CCDC85C: variants seen among roughly 807,000 people sequenced by gnomAD.
The protein encoded by CCDC85C is coiled-coil domain-containing protein 85C.
Under a neutral mutation model 38.3 loss-of-function variants are expected in CCDC85C, and 18 were observed. The observed-to-expected ratio is 0.47, with a 90% CI of 0.33 to 0.70. CCDC85C has a LOEUF of 0.70. CCDC85C is among the 30% of genes least tolerant of loss of function. The pLI is 0.03. For synonymous variants in CCDC85C, 264 were observed against 293.8 expected, an observed-to-expected ratio of 0.90 and a Z score of 1.04; for missense variants, 566 against 621.2, an observed-to-expected ratio of 0.91 and a Z score of 0.94.
Position 99,516,334 on chromosome 14 carries a change from C to T in CCDC85C, c.1072-48G>A. The stretch of plus-strand genomic sequence containing the variant: ...TCAGGGGCAGAGGCCACCGGCAGAC[C>T]TCGGGCAAGTCACCTGGCCCCTGAT... On this transcript the variant is annotated intron_variant, in intron 4 of 5. Transcript: ENST00000380243. The surrounding 1 kb of genome is among the most constrained non-coding windows in gnomAD (Gnocchi z 5.5). The T allele has an allele frequency of 7.2e-7, 1 of 1,396,088 alleles. No homozygotes were observed. The highest frequency in any genetic ancestry group is 9.9e-7 in the Non-Finnish European group (1 of 1,007,838). 86.5% of individuals were successfully genotyped at this position (1,396,088 alleles called of 1,614,324 possible).
intron 1 of CCDC85C, among the ~76,000 whole-genome samples, chr14:99,539,338 C>T (rs1249259535): frequency 6.6e-6 from 1 of 151,882 alleles, no homozygotes; most frequent in Non-Finnish European, 1.5e-5. Context: ...GGCGTGATGG[C>T]AGGCACCTGT....
intron 1 of CCDC85C, among the ~76,000 whole-genome samples, chr14:99,565,649 C>T (rs12434962): frequency 0.55 from 83,514 of 151,924 alleles, 23,195 homozygotes; most frequent in African/African-American, 0.62. Context: ...CCGGGAAGAG[C>T]TGCCTCCTCT....
chr14:99,553,615 G>A (rs548214707), intron 1 of CCDC85C, among the ~76,000 whole-genome samples: 1 of 152,216 alleles, frequency 6.6e-6, no homozygotes, highest in South Asian at 2.1e-4. Flanking sequence ...CGCCTGCCTC[G>A]GCCTCCCAAA....
At chr14:99,599,507 T>C (rs1021709860) in intron 1 of CCDC85C, among the ~76,000 whole-genome samples, 1 of 152,160 alleles carries the variant, frequency 6.6e-6, no homozygotes. Flanking sequence ...TTTCTGGTGT[T>C]GGGGTTTACC....
At position 99,509,825 on chromosome 14, in the gene CCDC85C, G is replaced by A. The variant is rs1478631922; in HGVS notation, c.*5421C>T. On this transcript the variant is annotated 3_prime_UTR_variant, in exon 6 of 6. Transcript: ENST00000380243. ...TTTCTGAAGGCAGAAAAACAGAGGA[G>A]CCCCCACACGTTTTGCACTAGGAAG... The A allele has an allele frequency of 2.6e-6, 1 of 381,480 alleles. No individual in the cohort carries two copies. Among genetic ancestry groups the A allele is most frequent in the Non-Finnish European group, 4.7e-6 (1 of 211,878 alleles). The allele number at this position is 381,480 out of a possible 1,614,324, so 23.6% of individuals were successfully genotyped here. A position where few individuals can be genotyped will look rare whatever the true frequency, so the allele number is the denominator to read the frequency against.
intron 1 of CCDC85C, among the ~76,000 whole-genome samples, 176 bp downstream of exon 1, chr14:99,602,991 C>G (rs1247832057): frequency 6.6e-6 from 1 of 152,226 alleles, no homozygotes; most frequent in East Asian, 1.9e-4. Flanking sequence ...CACCACCGCC[C>G]AAAGCCCCAC....
rs1405546309 is a variant in CCDC85C at position 99,604,172 on chromosome 14, G to C, written c.-213C>G. 3.4e-5 allele frequency: 10 copies of C among 291,696 alleles called. No homozygotes were observed. 18.1% of individuals were successfully genotyped at this position (291,696 alleles called of 1,614,324 possible). ...GTTGACGAGCGGAGGCGGCTGCTGC[G>C]TCGGCGGCCGCGGTGCCGGGCGCTC... On this transcript the variant is annotated 5_prime_UTR_variant, in exon 1 of 6. Coordinates refer to ENST00000380243, the MANE Select transcript of CCDC85C (RefSeq NM_001144995.2).
chr14:99,502,835 G>A lies in CCDC85C; in HGVS notation c.*12411C>T. On this transcript the variant is annotated 3_prime_UTR_variant, in exon 6 of 6. Transcript: ENST00000380243. Reference sequence around the variant, plus strand: ...TCAGCCTACACCACAAGTGCCGCAAGTACAGCAGTCACAGCCGTCTCAAAG... The same window carrying A: ...TCAGCCTACACCACAAGTGCCGCAAATACAGCAGTCACAGCCGTCTCAAAG... 1.9e-6 allele frequency: 3 copies of A among 1,613,504 alleles called. No homozygotes were observed. The highest frequency in any genetic ancestry group is 1.7e-6 in the Non-Finnish European group (2 of 1,179,744).
chr14:99,593,357 C>T (rs565661840), intron 1 of CCDC85C, among the ~76,000 whole-genome samples: 21 of 152,342 alleles, frequency 1.4e-4, no homozygotes, highest in Admixed American at 1.3e-3. Context: ...CCATAGCTGC[C>T]GTTTCGGTGC....
At chr14:99,563,074 G>A (rs1485368640) in intron 1 of CCDC85C, among the ~76,000 whole-genome samples, 2 of 152,220 alleles carry the variant, frequency 1.3e-5, no homozygotes, top group African/African-American at 4.8e-5. Flanking sequence ...TTGCATCTTA[G>A]CAGAGTAATA....
rs1468244080 is a variant in CCDC85C at position 99,509,626 on chromosome 14, C to A, written c.*5620G>T. 4.3e-5 allele frequency: 7 copies of A among 164,134 alleles called. No individual in the cohort carries two copies. The highest frequency in any genetic ancestry group is 3.9e-4 in the Admixed American group (7 of 17,834). 10.2% of individuals were successfully genotyped at this position (164,134 alleles called of 1,614,324 possible). Reference sequence around the variant, plus strand: ...CACACAGTGGGGTTTGATGTAGCCTCTCTTGAGTAGAATAGAACCTGAATT... The same window carrying A: ...CACACAGTGGGGTTTGATGTAGCCTATCTTGAGTAGAATAGAACCTGAATT... On this transcript the variant is annotated 3_prime_UTR_variant, in exon 6 of 6. Transcript: ENST00000380243.
chr14:99,522,242 T>C lies in CCDC85C; in HGVS notation c.868-2A>G, dbSNP rs1203212381. 1 of 1,545,494 alleles carries C rather than the reference T, an allele frequency of 6.5e-7. No individual in the cohort carries two copies. The highest frequency in any genetic ancestry group is 1.2e-5 in the South Asian group (1 of 83,990). Reference sequence around the variant, plus strand: ...GCGGAACTCTCCGGAGCCTGCCTGCTGCAGGGGAGAGAAGGAGAGGGGTTA... The same window carrying C: ...GCGGAACTCTCCGGAGCCTGCCTGCCGCAGGGGAGAGAAGGAGAGGGGTTA... On this transcript the variant is annotated splice_acceptor_variant, in intron 2 of 5. Transcript: ENST00000380243. LOFTEE classifies it high-confidence loss of function.
chr14:99,571,784 G>T (rs534689315), intron 1 of CCDC85C, among the ~76,000 whole-genome samples: 1 of 152,320 alleles, frequency 6.6e-6, no homozygotes, highest in South Asian at 2.1e-4. Context: ...AGGCAGGTAG[G>T]TGCCCAGTTC....
In CCDC85C at chr14:99,503,144, C is replaced by G. The variant is rs1896881454; in HGVS notation, c.*12102G>C. ...TGCTTGTCGGTGGGGAGCCTGAAAA[C>G]AAAGGTGCTCCAAGGACAGGCTGCC... On this transcript the variant is annotated 3_prime_UTR_variant, in exon 6 of 6. Transcript: ENST00000380243. The G allele has an allele frequency of 4.8e-6, 4 of 841,058 alleles. No homozygotes were observed. The African/African-American group carries it at 5.0e-5, about 11-fold the overall frequency. 52.1% of individuals were successfully genotyped at this position (841,058 alleles called of 1,614,324 possible). A position where few individuals can be genotyped will look rare whatever the true frequency, so the allele number is the denominator to read the frequency against.
rs545705655 is a variant in CCDC85C at position 99,517,276 on chromosome 14, G to A, written c.976-93C>T. 4.4e-4 allele frequency: 437 copies of A among 1,001,514 alleles called. 1 individual carries two copies. Among genetic ancestry groups the A allele is most frequent in the Non-Finnish European group, 5.4e-4 (374 of 692,376 alleles). 62.0% of individuals were successfully genotyped at this position (1,001,514 alleles called of 1,614,324 possible). ...ACAAGGCCCCCATTCTGAGGGGCCA[G>A]GGCCCAGGCAGGAGGAAAAGGGGAC... is the stretch of plus-strand genomic sequence containing the variant. On this transcript the variant is annotated intron_variant, in intron 3 of 5. Transcript: ENST00000380243.
rs75158298 is a variant in CCDC85C at position 99,534,920 on chromosome 14, G to A, written c.867+1095C>T. On this transcript the variant is annotated intron_variant, in intron 2 of 5. Coordinates refer to ENST00000380243, the MANE Select transcript of CCDC85C (RefSeq NM_001144995.2). ...GCGCCTGTATGGTGGTGGGGAGTGGGGGGCGGGGTGTGGAGGAGAGTTCAC... is the reference window on the plus strand; with the variant it reads ...GCGCCTGTATGGTGGTGGGGAGTGGAGGGCGGGGTGTGGAGGAGAGTTCAC... The A allele has an allele frequency of 2.9e-4, 166 of 572,456 alleles. 1 individual carries two copies. In the East Asian group the frequency reaches 4.2e-3, roughly 15 times the overall value. 35.5% of individuals were successfully genotyped at this position (572,456 alleles called of 1,614,324 possible).
chr14:99,506,466 T>C lies in CCDC85C; in HGVS notation c.*8780A>G, dbSNP rs1055487150. 1 of 152,934 alleles carries C rather than the reference T, an allele frequency of 6.5e-6. No homozygotes were observed. The highest frequency in any genetic ancestry group is 2.4e-5 in the African/African-American group (1 of 41,470). 9.5% of individuals were successfully genotyped at this position (152,934 alleles called of 1,614,324 possible). On this transcript the variant is annotated 3_prime_UTR_variant, in exon 6 of 6. Transcript: ENST00000380243. ...GCTGCCTGACCCCGGAAGGGTGGGCTGTTTCCTCCACCTCAAGGGGTCCTG... is the reference window on the plus strand; with the variant it reads ...GCTGCCTGACCCCGGAAGGGTGGGCCGTTTCCTCCACCTCAAGGGGTCCTG...
Position 99,503,208 on chromosome 14 carries a change from C to T in CCDC85C, c.*12038G>A, listed in dbSNP as rs1055124352. The T allele has an allele frequency of 1.2e-4, 81 of 689,384 alleles. No homozygotes were observed. The highest frequency in any genetic ancestry group is 1.8e-4 in the Non-Finnish European group (69 of 381,804). 42.7% of individuals were successfully genotyped at this position (689,384 alleles called of 1,614,324 possible). A position where few individuals can be genotyped will look rare whatever the true frequency, so the allele number is the denominator to read the frequency against. On this transcript the variant is annotated 3_prime_UTR_variant, in exon 6 of 6. Coordinates refer to ENST00000380243, the MANE Select transcript of CCDC85C (RefSeq NM_001144995.2). Reference sequence around the variant, plus strand: ...AGGGGGCTCTCTGCCCGGCTCCAGCCCTGCTGCCTGTTTCATCCCTGCCAG... The same window carrying T: ...AGGGGGCTCTCTGCCCGGCTCCAGCTCTGCTGCCTGTTTCATCCCTGCCAG...
rs1271385823 is a variant in CCDC85C, at chr14:99,503,223, A to C, written c.*12023T>G. On this transcript the variant is annotated 3_prime_UTR_variant, in exon 6 of 6. Coordinates refer to ENST00000380243, the MANE Select transcript of CCDC85C (RefSeq NM_001144995.2). ...CGGCTCCAGCCCTGCTGCCTGTTTCATCCCTGCCAGGGTTCTGAAGCCTGT... is the reference window on the plus strand; with the variant it reads ...CGGCTCCAGCCCTGCTGCCTGTTTCCTCCCTGCCAGGGTTCTGAAGCCTGT... 5.9e-6 allele frequency: 4 copies of C among 675,726 alleles called. No individual in the cohort carries two copies. Among genetic ancestry groups the C allele is most frequent in the Non-Finnish European group, 1.1e-5 (4 of 373,816 alleles). The allele number at this position is 675,726 out of a possible 1,614,324, so 41.9% of individuals were successfully genotyped here. A position where few individuals can be genotyped will look rare whatever the true frequency, so the allele number is the denominator to read the frequency against.
Sources: allele counts gnomAD v4.1 joint callset (sites outside exome capture counted in the v4.1 genomes callset), GRCh38; gene constraint gnomAD v4.1.1; non-coding constraint Gnocchi (gnomAD v3.1); transcripts MANE v1.5; gene names NCBI Gene and HGNC (gene_info 2026-07-23, HGNC 2026-07-21).